The following GABRB1 variants were observed in gnomAD, a reference collection of about 807,000 sequenced individuals.
GABRB1 encodes gamma-aminobutyric acid receptor subunit beta-1.
In GABRB1, 17 loss-of-function variants were observed where a neutral mutation model predicts 51.6. That is an observed-to-expected ratio of 0.33 (90% CI 0.23 to 0.49). GABRB1 has a LOEUF of 0.49. Ranked by LOEUF, GABRB1 falls within the 20% of genes least tolerant of loss-of-function variation. The probability of loss-of-function intolerance (pLI) is 0.99; values close to 1 mark genes in which losing one functional copy is unlikely to be tolerated. For missense variants in GABRB1, 410 were observed against 600.6 expected, an observed-to-expected ratio of 0.68 and a Z score of 3.32; for synonymous variants, 247 against 218.9, an observed-to-expected ratio of 1.13 and a Z score of -1.14.
chr4:47,376,921 G>C (rs1727402981), intron 5 of GABRB1, among the ~76,000 whole-genome samples: 1 of 152,270 alleles, frequency 6.6e-6, no homozygotes, highest in South Asian at 2.1e-4. Flanking sequence ...CTCTTAAGTA[G>C]ATGAATGTTT....
intron 5 of GABRB1, among the ~76,000 whole-genome samples, chr4:47,402,361 T>C (rs1367653422): frequency 6.6e-6 from 1 of 152,158 alleles, no homozygotes; most frequent in Non-Finnish European, 1.5e-5. Flanking sequence ...GAAAAAAAGA[T>C]TTTTTGCTTT....
chr4:47,035,725 C>A (rs1341957693), intron 3 of GABRB1, among the ~76,000 whole-genome samples: 1 of 152,100 alleles, frequency 6.6e-6, no homozygotes, highest in East Asian at 1.9e-4. Context: ...GAGACAAGAG[C>A]TCCCAGAAAT....
rs773242206 is a variant in GABRB1 at position 47,031,662 on chromosome 4, T to C, written c.11T>C (p.Val4Ala). 1.1e-5 allele frequency: 17 copies of C among 1,613,014 alleles called. No individual in the cohort carries two copies. Among genetic ancestry groups the C allele is most frequent in the African/African-American group, 4.0e-5 (3 of 74,912 alleles). The change falls in exon 1 of 9, where the codon GTA (valine) becomes GCA (alanine). Residue 4 changes from valine to alanine, a missense_variant. By Grantham distance (64) the Val-to-Ala change is moderately conservative. Transcript: ENST00000295454. MWTVQNRESLGLLS... is the reference protein window; with the variant it reads MWTAQNRESLGLLS... Reference sequence around the variant, plus strand: ...TAATCAGAGTTAGTAATGTGGACAGTACAAAATCGAGAGAGTCTGGGGCTT... The same window carrying C: ...TAATCAGAGTTAGTAATGTGGACAGCACAAAATCGAGAGAGTCTGGGGCTT...
intron 1 of GABRB1, among the ~76,000 whole-genome samples, chr4:47,000,293 A>G (rs1318651426): frequency 6.6e-6 from 1 of 152,248 alleles, no homozygotes; most frequent in Non-Finnish European, 1.5e-5. Context: ...TGTGGCAGAA[A>G]GAGGAATGAA....
chr4:47,385,766 C>A (rs768463446), intron 5 of GABRB1, among the ~76,000 whole-genome samples: 1 of 152,114 alleles, frequency 6.6e-6, no homozygotes, highest in South Asian at 2.1e-4. Flanking sequence ...ATTGGGTTCC[C>A]GGGTTACCCA....
chr4:47,176,415 A>C (rs113954483), intron 4 of GABRB1, among the ~76,000 whole-genome samples: 2,200 of 152,264 alleles, frequency 0.014, 26 homozygotes, highest in Non-Finnish European at 0.022. Flanking sequence ...TAGAGTAGTC[A>C]GTATGTTTAT....
At chr4:47,356,443 T>G (rs1003264367) in intron 5 of GABRB1, among the ~76,000 whole-genome samples, 7 of 152,176 alleles carry the variant, frequency 4.6e-5, no homozygotes, top group African/African-American at 1.7e-4. Flanking sequence ...AGAGCAAATT[T>G]TAGGCAAAGA....
intron 5 of GABRB1, among the ~76,000 whole-genome samples, chr4:47,370,548 T>C (rs1423598558): frequency 6.6e-6 from 1 of 151,812 alleles, no homozygotes; most frequent in East Asian, 1.9e-4. Flanking sequence ...ACACGCAGAA[T>C]AATGATCAAT....
At chr4:47,215,000 T>A (rs572849484) in intron 4 of GABRB1, among the ~76,000 whole-genome samples, 1 of 152,168 alleles carries the variant, frequency 6.6e-6, no homozygotes, top group Non-Finnish European at 1.5e-5. Context: ...AATTTTATAA[T>A]AGGTTTGTTG....
At chr4:47,232,640 A>G (rs1721181786) in intron 4 of GABRB1, among the ~76,000 whole-genome samples, 1 of 152,184 alleles carries the variant, frequency 6.6e-6, no homozygotes, top group Admixed American at 6.5e-5. Flanking sequence ...CTAATATGAA[A>G]CATCATCTCC....
intron 8 of GABRB1, among the ~76,000 whole-genome samples, chr4:47,418,019 A>C (rs1309108648): frequency 2.6e-5 from 4 of 152,204 alleles, no homozygotes; most frequent in African/African-American, 4.8e-5. Flanking sequence ...AAGGGGTGGA[A>C]GAAAGGCTAA....
At chr4:47,370,069 A>G (rs1288172225) in intron 5 of GABRB1, among the ~76,000 whole-genome samples, 4 of 152,144 alleles carry the variant, frequency 2.6e-5, no homozygotes, top group African/African-American at 4.8e-5. Flanking sequence ...TTCCTATACT[A>G]TAAGAAACAG....
chr4:47,018,189 T>G (rs1343002697), intron 1 of GABRB1, among the ~76,000 whole-genome samples: 1 of 151,438 alleles, frequency 6.6e-6, no homozygotes, highest in Non-Finnish European at 1.5e-5. Flanking sequence ...CTTCTTCTTC[T>G]TTCTTTTTTT....
At chr4:47,283,901 G>A (rs865894902) in intron 4 of GABRB1, among the ~76,000 whole-genome samples, 2 of 152,004 alleles carry the variant, frequency 1.3e-5, no homozygotes, top group Middle Eastern at 3.4e-3. Flanking sequence ...TGCAAAAGAC[G>A]GATTGTCAAG....
intron 8 of GABRB1, among the ~76,000 whole-genome samples, chr4:47,423,124 G>GAA (rs145404940): frequency 9.1e-5 from 13 of 143,178 alleles, no homozygotes; most frequent in South Asian, 4.4e-4. Context: ...TATGTGAATG[G>GAA]AAAAAAAAAA....
At chr4:47,068,749 A>G (rs1373534557) in intron 3 of GABRB1, among the ~76,000 whole-genome samples, 1 of 152,202 alleles carries the variant, frequency 6.6e-6, no homozygotes, top group Non-Finnish European at 1.5e-5. Flanking sequence ...TATAATAATC[A>G]TGAAAACATT....
intron 4 of GABRB1, among the ~76,000 whole-genome samples, chr4:47,183,266 G>A (rs1232116680): frequency 6.7e-6 from 1 of 149,190 alleles, no homozygotes; most frequent in African/African-American, 2.5e-5. Flanking sequence ...GGTATAGATA[G>A]ATAAGATGAT....
At chr4:47,240,122 A>AATAG (rs1721469881) in intron 4 of GABRB1, among the ~76,000 whole-genome samples, 1 of 152,204 alleles carries the variant, frequency 6.6e-6, no homozygotes, top group African/African-American at 2.4e-5. Flanking sequence ...GCTCAGTCTG[A>AATAG]ATAGCATGCT....
Position 47,123,797 on chromosome 4 carries a change from TTATA to T in GABRB1, c.241-37448_241-37445del, listed in dbSNP as rs1366501842. On this transcript the variant is annotated intron_variant, in intron 3 of 8. Coordinates refer to ENST00000295454, the MANE Select transcript of GABRB1 (RefSeq NM_000812.4). ...ATCATATATTATTATATATAATATATTATATATCATATATTATATATTATATTAT... is the reference window on the plus strand; with the variant it reads ...ATCATATATTATTATATATAATATATTATCATATATTATATATTATATTAT... Among the ~76,000 whole-genome samples the T allele has an allele frequency of 4.4e-5, 4 of 91,628 alleles. 1 individual carries two copies. The highest frequency in any genetic ancestry group is 1.8e-4 in the African/African-American group (4 of 22,110). 60.1% of individuals were successfully genotyped at this position (91,628 alleles called of 152,430 possible).
Sources: gnomAD v4.1 joint callset for allele counts (sites outside exome capture counted in the v4.1 genomes callset) on GRCh38, gnomAD v4.1.1 for gene constraint, MANE v1.5 for transcripts, NCBI Gene and HGNC (gene_info 2026-07-23, HGNC 2026-07-21) for gene names.